Variants in ZNF354A observed in about 807,000 individuals in gnomAD.
ZNF354A encodes the protein epididymis luminal protein 104.
Under a neutral mutation model 53.3 loss-of-function variants are expected in ZNF354A, and 25 were observed. The ratio of observed to expected loss-of-function variants is 0.47; its 90% CI spans 0.34 to 0.66. ZNF354A has a LOEUF of 0.66. ZNF354A is among the 30% of genes least tolerant of loss of function. The pLI is 0.01. For missense variants in ZNF354A, 586 were observed against 716.8 expected (o/e 0.82, Z 2.08); for synonymous variants, 228 against 249.0 (o/e 0.92, Z 0.79).
chr5:178,713,984 G>T lies in ZNF354A; in HGVS notation c.257-363C>A, dbSNP rs201723142. On this transcript the variant is annotated intron_variant, in intron 4 of 4. Coordinates refer to ENST00000335815, the MANE Select transcript of ZNF354A (RefSeq NM_005649.3). The stretch of plus-strand genomic sequence containing the variant: ...CATGATGGAATCCTAATTTTTTTTT[G>T]TTTTTTTTTTTTGACATTTATCTTC... 3.4e-3 allele frequency among the ~76,000 whole-genome samples: 479 copies of T among 141,700 alleles called. 3 individuals carry two copies. The highest frequency in any genetic ancestry group is 4.7e-3 in the Non-Finnish European group (306 of 65,190). 93.0% of individuals were successfully genotyped at this position (141,700 alleles called of 152,430 possible).
At position 178,728,390 on chromosome 5, in the gene ZNF354A, A is replaced by C. The variant is rs1418553571; in HGVS notation, c.33+600T>G. ...TACACTTAAAAAGTTAAAATGGTAT[A>C]TTTTATGTTATATATATTTTGCCAC... is the stretch of plus-strand genomic sequence containing the variant. On this transcript the variant is annotated intron_variant, in intron 2 of 4. Transcript: ENST00000335815. 5.3e-5 allele frequency among the ~76,000 whole-genome samples: 8 copies of C among 152,328 alleles called. No individual in the cohort carries two copies. In the South Asian group the frequency reaches 1.7e-3, roughly 32 times the overall value.
chr5:178,725,229 T>C, intron 4 of ZNF354A, 147 bp downstream of exon 4: 1 of 784,542 alleles, frequency 1.3e-6, no homozygotes, highest in African/African-American at 1.7e-5. Flanking sequence ...GGGAAGTGAA[T>C]CCTGCCTAAG....
In ZNF354A at chr5:178,713,262, G is replaced by A. The variant is rs1554093671; in HGVS notation, c.616C>T (p.Pro206Ser). 6 of 1,614,106 alleles carry A rather than the reference G, an allele frequency of 3.7e-6. No individual in the cohort carries two copies. In the South Asian group the frequency reaches 6.6e-5, roughly 18 times the overall value. The stretch of plus-strand genomic sequence containing the variant: ...TAGCGTTTATCTGCTGTAATTTTTG[G>A]TTGATTAAGTAATTGTGAATTCTGT... ...LKQNSQLLNQ[P>S]KITADKRYKC... Residue 206 changes from proline (P) to serine (S), a missense_variant, in exon 5 of 5, where the codon CCA becomes TCA. Pro to Ser is a moderately conservative substitution (Grantham distance 74, BLOSUM62 -1). Transcript: ENST00000335815.
At chr5:178,718,213 A>C (rs796611225) in intron 4 of ZNF354A, among the ~76,000 whole-genome samples, 16 of 152,290 alleles carry the variant, frequency 1.1e-4, no homozygotes, top group African/African-American at 3.9e-4. Flanking sequence ...CTTCCTTATG[A>C]TCTGTTTAGA....
At chr5:178,726,234 A>C (rs911479190) in intron 3 of ZNF354A, 12 of 455,968 alleles carry the variant, frequency 2.6e-5, no homozygotes, top group Middle Eastern at 3.2e-4. Context: ...GGCCCTGTGC[A>C]AAGAATGGTG....
In ZNF354A at chr5:178,718,742, G is replaced by GT. The variant is rs1581744551; in HGVS notation, c.257-5122dup. On this transcript the variant is annotated intron_variant, in intron 4 of 4. Coordinates refer to ENST00000335815, the MANE Select transcript of ZNF354A (RefSeq NM_005649.3). ...CAGTCATCAAAATCTTCATTTTTTT[G>GT]TTTTTTGAGAGACAGGGTCTTGCTC... Among the ~76,000 whole-genome samples, 3 of 151,816 alleles carry GT rather than the reference G, an allele frequency of 2.0e-5. No individual in the cohort carries two copies. The South Asian group carries it at 6.2e-4, about 32-fold the overall frequency.
At position 178,713,153 on chromosome 5, in the gene ZNF354A, A is replaced by T; in HGVS notation, c.725T>A (p.Phe242Tyr). ...GGCTTTTGAACATTCTTTACACTTA[A>T]ATAGTTTCTCTCCACTATGGTTTTT... ...HEKNHSGEKL[F>Y]KCKECSKAFS... is the part of the protein sequence containing the mutation. The change falls in exon 5 of 5, where the codon TTT becomes TAT. Residue 242 changes from phenylalanine (F) to tyrosine (Y), a missense_variant. Phe to Tyr is a conservative substitution (Grantham distance 22). This residue lies in a region of ZNF354A where 573 missense variants were observed against 680.1 expected (regional missense o/e 0.84). Coordinates refer to ENST00000335815, the MANE Select transcript of ZNF354A (RefSeq NM_005649.3). The T allele has an allele frequency of 6.2e-7, 1 of 1,614,112 alleles. No individual in the cohort carries two copies. Among genetic ancestry groups the T allele is most frequent in the Non-Finnish European group, 8.5e-7 (1 of 1,180,010 alleles).
At chr5:178,714,139 G>T (rs1765675079) in intron 4 of ZNF354A, among the ~76,000 whole-genome samples, 1 of 152,006 alleles carries the variant, frequency 6.6e-6, no homozygotes, top group Admixed American at 6.6e-5. Flanking sequence ...TGAGTAGCTG[G>T]GATTACAGGC....
intron 3 of ZNF354A, among the ~76,000 whole-genome samples, chr5:178,725,883 C>A (rs760195518): frequency 6.6e-6 from 1 of 152,098 alleles, no homozygotes; most frequent in African/African-American, 2.4e-5. Context: ...GAGTCTCGCT[C>A]TATTGCCAGG....
At chr5:178,714,728 G>T (rs1289705097) in intron 4 of ZNF354A, among the ~76,000 whole-genome samples, 2 of 151,880 alleles carry the variant, frequency 1.3e-5, no homozygotes, top group African/African-American at 4.9e-5. Context: ...ATACAAATAT[G>T]CACATGTGTT....
rs34745528 is a variant in ZNF354A, at chr5:178,727,256, G to C, written c.34-131C>G. ...AGCTTCTGAAGGTTCCAGATCATTC[G>C]TTTAATGAATAATTGGCCAGTAACA... On this transcript the variant is annotated intron_variant, in intron 2 of 4. Transcript: ENST00000335815. The C allele has an allele frequency of 0.14, 137,283 of 970,956 alleles. 10,047 individuals carry two copies. Among genetic ancestry groups the C allele is most frequent in the Admixed American group, 0.16 (4,743 of 29,630 alleles). The allele number at this position is 970,956 out of a possible 1,614,324, so 60.1% of individuals were successfully genotyped here. A position where few individuals can be genotyped will look rare whatever the true frequency, so the allele number is the denominator to read the frequency against.
intron 3 of ZNF354A, chr5:178,726,059 G>C: frequency 2.4e-6 from 1 of 413,314 alleles, no homozygotes; most frequent in Non-Finnish European, 5.0e-6. Flanking sequence ...GGCCAGGATG[G>C]TCTTGATCTT....
Position 178,712,304 on chromosome 5 carries a change from T to C in ZNF354A, c.1574A>G (p.Glu525Gly). Residue 525 changes from glutamate (E) to glycine (G), a missense_variant, in exon 5 of 5, where the codon GAG (glutamate) becomes GGG (glycine). Coordinates refer to ENST00000335815, the MANE Select transcript of ZNF354A (RefSeq NM_005649.3). ...IHTGEKPYRCEECGISFGQSS... is the reference protein window; with the variant it reads ...IHTGEKPYRCGECGISFGQSS... The stretch of plus-strand genomic sequence containing the variant: ...TTGGCCAAAAGATATCCCACATTCC[T>C]CACATCGATATGGTTTCTCTCCAGT... The C allele has an allele frequency of 6.2e-7, 1 of 1,614,136 alleles. No homozygotes were observed. The highest frequency in any genetic ancestry group is 2.2e-5 in the East Asian group (1 of 44,872).
In ZNF354A at chr5:178,712,099, A is replaced by G; in HGVS notation, c.1779T>C (p.Leu593=). 1 of 1,608,674 alleles carries G rather than the reference A, an allele frequency of 6.2e-7. No individual in the cohort carries two copies. The highest frequency in any genetic ancestry group is 1.1e-5 in the South Asian group (1 of 90,568). ...CGKLFNHRSS[L]TNHYKIHIEE... ...CGATATGAATTTTATAATGATTAGT[A>G]AGGGATGACCTATGGTTGAAAAGTT... is the stretch of plus-strand genomic sequence containing the variant. The change falls in exon 5 of 5, where the codon CTT becomes CTC. Residue 593 remains leucine, a synonymous_variant. Coordinates refer to ENST00000335815, the MANE Select transcript of ZNF354A (RefSeq NM_005649.3).
In ZNF354A at chr5:178,725,254, C is replaced by A. The variant is rs62392848; in HGVS notation, c.256+122G>T. The A allele has an allele frequency of 4.5e-3, 4,179 of 938,474 alleles. 22 individuals are homozygous for A. Among genetic ancestry groups the A allele is most frequent in the Non-Finnish European group, 6.2e-3 (3,574 of 578,686 alleles). The allele number at this position is 938,474 out of a possible 1,614,324, so 58.1% of individuals were successfully genotyped here. On this transcript the variant is annotated intron_variant, in intron 4 of 4. Transcript: ENST00000335815. ...TCCTGCCTAAGAGCCTGGGCTTCCGCTTCCCCATCACTTCTTGAGGCCTGA... is the reference window on the plus strand; with the variant it reads ...TCCTGCCTAAGAGCCTGGGCTTCCGATTCCCCATCACTTCTTGAGGCCTGA...
intron 4 of ZNF354A, among the ~76,000 whole-genome samples, chr5:178,719,861 G>A (rs1046336279): frequency 2.0e-5 from 3 of 151,688 alleles, no homozygotes; most frequent in African/African-American, 7.3e-5. Context: ...GCAGGAGAAT[G>A]GCGTGAACCC....
chr5:178,720,407 G>A (rs4470778), intron 4 of ZNF354A, among the ~76,000 whole-genome samples: 32,283 of 152,086 alleles, frequency 0.21, 4,037 homozygotes, highest in South Asian at 0.34. Context: ...CAGCGTGACT[G>A]CTGTCCCCGT....
At chr5:178,726,168 G>T (rs765098997) in intron 3 of ZNF354A, 12 of 455,670 alleles carry the variant, frequency 2.6e-5, no homozygotes, top group South Asian at 1.9e-4. Flanking sequence ...AAGGATGGCA[G>T]TGATCAGCAA....
chr5:178,725,866 TGAG>T (rs1765895098), intron 3 of ZNF354A, among the ~76,000 whole-genome samples: 1 of 152,170 alleles, frequency 6.6e-6, no homozygotes. Flanking sequence ...TTTTTTTTTC[TGAG>T]GAGGAGTCTC....
Sources: gnomAD v4.1 joint callset for allele counts (sites outside exome capture counted in the v4.1 genomes callset) on GRCh38, gnomAD v4.1.1 for gene constraint, gnomAD v4.1.1 regional missense constraint, MANE v1.5 for transcripts, NCBI Gene and HGNC (gene_info 2026-07-23, HGNC 2026-07-21) for gene names.